Variants in GLRB observed in about 807,000 individuals in gnomAD.
GLRB encodes glycine receptor subunit beta.
In GLRB, 33 loss-of-function variants were observed where a neutral mutation model predicts 54.2. The ratio of observed to expected loss-of-function variants is 0.61; its 90% CI spans 0.46 to 0.81. GLRB has a LOEUF of 0.81. Ranked by LOEUF, GLRB falls within the 40% of genes least tolerant of loss-of-function variation. The pLI is 0.00. For synonymous variants in GLRB, 209 were observed against 208.2 expected (o/e 1.00, Z -0.03); for missense variants, 572 against 584.6 (o/e 0.98, Z 0.22).
chr4:157,107,244 A>G (rs1476937174), intron 2 of GLRB, among the ~76,000 whole-genome samples: 1 of 151,996 alleles, frequency 6.6e-6, no homozygotes, highest in Non-Finnish European at 1.5e-5. Flanking sequence ...TATCTCTACA[A>G]TTGTCTCTAA....
At chr4:157,106,969 G>C (rs1055320166) in intron 2 of GLRB, among the ~76,000 whole-genome samples, 1 of 151,926 alleles carries the variant, frequency 6.6e-6, no homozygotes, top group African/African-American at 2.4e-5. Context: ...TGTGTTCCCC[G>C]TGTGTCTCTG....
At chr4:157,138,478 C>A (rs951017139) in intron 6 of GLRB, among the ~76,000 whole-genome samples, 1 of 152,174 alleles carries the variant, frequency 6.6e-6, no homozygotes, top group African/African-American at 2.4e-5. Context: ...AAGCTTGCAT[C>A]ACTTATTTAT....
intron 2 of GLRB, among the ~76,000 whole-genome samples, chr4:157,105,902 G>C (rs138423100): frequency 3.3e-5 from 5 of 151,648 alleles, no homozygotes; most frequent in Non-Finnish European, 1.5e-5. Flanking sequence ...TCCTTAAATC[G>C]AAAGTAGATC....
chr4:157,152,816 G>T lies in GLRB; in HGVS notation c.1003G>T (p.Ala335Ser). The part of the protein sequence containing the change: ...YVKALDVWLI[A>S]CLLFGFASLV... ...GAAGGCTCTTGATGTTTGGCTTATTGCTTGCCTTCTCTTTGGGTTTGCTTC... is the reference window on the plus strand; with the variant it reads ...GAAGGCTCTTGATGTTTGGCTTATTTCTTGCCTTCTCTTTGGGTTTGCTTC... The change falls in exon 9 of 10, where the codon GCT becomes TCT. Residue 335 changes from alanine (A) to serine (S), a missense_variant. Physicochemically the swap from Ala to Ser is moderately conservative, Grantham distance 99. Transcript: ENST00000264428. 1 of 1,613,944 alleles carries T rather than the reference G, an allele frequency of 6.2e-7. No individual in the cohort carries two copies. The highest frequency in any genetic ancestry group is 8.5e-7 in the Non-Finnish European group (1 of 1,179,920).
chr4:157,086,132 C>T (rs1352585003), intron 2 of GLRB, among the ~76,000 whole-genome samples: 2 of 152,142 alleles, frequency 1.3e-5, no homozygotes, highest in East Asian at 1.9e-4. Flanking sequence ...CCCAAGCCTA[C>T]TCGCCTATTT....
In GLRB at chr4:157,095,087, G is replaced by A. The variant is rs1003917807; in HGVS notation, c.122+16941G>A. ...TCTACATTGAGTTGGCTACAGGAAGGCCATGGAGATTTATAGAGGAGTAGT... is the reference window on the plus strand; with the variant it reads ...TCTACATTGAGTTGGCTACAGGAAGACCATGGAGATTTATAGAGGAGTAGT... On this transcript the variant is annotated intron_variant, in intron 2 of 9. Transcript: ENST00000264428. 2.0e-4 allele frequency among the ~76,000 whole-genome samples: 30 copies of A among 152,110 alleles called. 1 individual carries two copies. The highest frequency in any genetic ancestry group is 2.9e-5 in the Non-Finnish European group (2 of 68,006).
chr4:157,105,522 T>C (rs1304653151), intron 2 of GLRB, among the ~76,000 whole-genome samples: 1 of 152,138 alleles, frequency 6.6e-6, no homozygotes, highest in Non-Finnish European at 1.5e-5. Context: ...TCTGTATTTT[T>C]TTTTATATTT....
At chr4:157,143,672 A>C in intron 7 of GLRB, 135 bp from the exon 8 acceptor site, 1 of 862,590 alleles carries the variant, frequency 1.2e-6, no homozygotes, top group South Asian at 1.5e-5. Context: ...CTGCAAAGAA[A>C]AACTTTTTTT....
At chr4:157,085,730 C>G (rs565113162) in intron 2 of GLRB, among the ~76,000 whole-genome samples, 2 of 152,064 alleles carry the variant, frequency 1.3e-5, no homozygotes, top group African/African-American at 4.8e-5. Flanking sequence ...ATCTCCTGAC[C>G]TCGTGATCCA....
chr4:157,106,707 T>C (rs1735240276), intron 2 of GLRB, among the ~76,000 whole-genome samples: 1 of 152,010 alleles, frequency 6.6e-6, no homozygotes, highest in Non-Finnish European at 1.5e-5. Flanking sequence ...GCTTTCAATA[T>C]CAAACTAAGA....
At chr4:157,139,360 C>T (rs1736527617) in intron 7 of GLRB, among the ~76,000 whole-genome samples, 1 of 151,916 alleles carries the variant, frequency 6.6e-6, no homozygotes, top group African/African-American at 2.4e-5. Flanking sequence ...TGGTGGTTGG[C>T]CCATATTCTT....
chr4:157,166,965 A>G (rs1264065107), intron 9 of GLRB, among the ~76,000 whole-genome samples: 1 of 152,158 alleles, frequency 6.6e-6, no homozygotes, highest in Non-Finnish European at 1.5e-5. Flanking sequence ...GGCCTAGGTT[A>G]TAATATTATA....
chr4:157,092,603 C>A (rs1220754007), intron 2 of GLRB, among the ~76,000 whole-genome samples: 4 of 152,126 alleles, frequency 2.6e-5, no homozygotes, highest in Admixed American at 2.6e-4. Context: ...TCCTCATAAA[C>A]TCAGAGTGTT....
At chr4:157,089,678 T>A (rs1353528871) in intron 2 of GLRB, among the ~76,000 whole-genome samples, 1 of 152,198 alleles carries the variant, frequency 6.6e-6, no homozygotes, top group Non-Finnish European at 1.5e-5. Context: ...TCATCCTTAG[T>A]TCTTTTAGCT....
intron 2 of GLRB, among the ~76,000 whole-genome samples, chr4:157,107,637 G>A (rs1040526269): frequency 6.6e-6 from 1 of 152,084 alleles, no homozygotes; most frequent in Non-Finnish European, 1.5e-5. Context: ...AGCTAGCAGA[G>A]GTTGGTTCAT....
chr4:157,101,643 C>T (rs750038918), intron 2 of GLRB, among the ~76,000 whole-genome samples: 4 of 152,046 alleles, frequency 2.6e-5, no homozygotes, highest in South Asian at 2.1e-4. Context: ...TTAACTTTTT[C>T]GAGTTTTTCC....
At chr4:157,116,520 A>G (rs547368342) in intron 2 of GLRB, among the ~76,000 whole-genome samples, 141 of 151,614 alleles carry the variant, frequency 9.3e-4, no homozygotes, top group African/African-American at 3.1e-3. Context: ...CTCCTTTTTC[A>G]TGTTTATTTT....
At chr4:157,090,486 G>T (rs150419385) in intron 2 of GLRB, among the ~76,000 whole-genome samples, 189 of 152,232 alleles carry the variant, frequency 1.2e-3, no homozygotes, top group African/African-American at 4.3e-3. Flanking sequence ...ATGACTTCAT[G>T]CAGACATAAA....
chr4:157,083,533 G>A lies in GLRB; in HGVS notation c.122+5387G>A, dbSNP rs151142243. 5.9e-5 allele frequency among the ~76,000 whole-genome samples: 9 copies of A among 152,120 alleles called. No homozygotes were observed. The East Asian group carries it at 1.4e-3, about 23-fold the overall frequency. The stretch of plus-strand genomic sequence containing the variant: ...GAGAAAGGTTGAGCATTACACAGGC[G>A]GTTAGACCAGAGACTGATATAATGT... On this transcript the variant is annotated intron_variant, in intron 2 of 9. Transcript: ENST00000264428.
Sources: gnomAD v4.1 joint callset for allele counts (sites outside exome capture counted in the v4.1 genomes callset) on GRCh38, gnomAD v4.1.1 for gene constraint, MANE v1.5 for transcripts, NCBI Gene and HGNC (gene_info 2026-07-23, HGNC 2026-07-21) for gene names.